MYO5A: variants seen among roughly 807,000 people sequenced by gnomAD.
MYO5A encodes unconventional myosin-Va.
MYO5A carries 98 observed loss-of-function variants against 249.7 expected under a neutral mutation model. The observed-to-expected ratio is 0.39, with a 90% CI of 0.33 to 0.46. MYO5A has a LOEUF of 0.46. MYO5A is among the 20% of genes least tolerant of loss of function. MYO5A has a pLI of 0.98. For synonymous variants in MYO5A, 778 were observed against 810.6 expected (o/e 0.96, Z 0.68); for missense variants, 1,696 against 2,308.8 (o/e 0.73, Z 5.44).
chr15:52,336,313 CA>C lies in MYO5A; in HGVS notation c.4408+149del, dbSNP rs1567030221. 94 of 619,258 alleles carry C rather than the reference CA, an allele frequency of 1.5e-4. 1 individual carries two copies. In the South Asian group the frequency reaches 1.7e-3, roughly 11 times the overall value. The allele number at this position is 619,258 out of a possible 1,614,324, so 38.4% of individuals were successfully genotyped here. On this transcript the variant is annotated intron_variant, in intron 34 of 41. Transcript: ENST00000399233. ...TCATTTAAAAATGTAAATTTCTACT[CA>C]AAAGAGGTTAGGTTTGCCAAAAGTC...
At chr15:52,457,000 C>T (rs1428225324) in intron 1 of MYO5A, among the ~76,000 whole-genome samples, 2 of 152,042 alleles carry the variant, frequency 1.3e-5, no homozygotes, top group Admixed American at 6.5e-5. Flanking sequence ...GCAAAGAAAA[C>T]GATTAACAGA....
rs534010257 is a variant in MYO5A at position 52,360,448 on chromosome 15, A to C, written c.3310-367T>G. 4.6e-5 allele frequency among the ~76,000 whole-genome samples: 7 copies of C among 152,364 alleles called. No homozygotes were observed. The South Asian group carries it at 1.0e-3, about 23-fold the overall frequency. Reference sequence around the variant, plus strand: ...GCACTGACTTTTAGTGCCATAATCAAATAAAACTTACAAAAACCTCATAAA... The same window carrying C: ...GCACTGACTTTTAGTGCCATAATCACATAAAACTTACAAAAACCTCATAAA... On this transcript the variant is annotated intron_variant, in intron 24 of 41. Coordinates refer to ENST00000399233, the MANE Select transcript of MYO5A (RefSeq NM_001382347.1).
At chr15:52,378,138 G>T (rs528847021) in intron 18 of MYO5A, among the ~76,000 whole-genome samples, 1 of 151,442 alleles carries the variant, frequency 6.6e-6, no homozygotes, top group South Asian at 2.1e-4. Flanking sequence ...ACAAAGCCCT[G>T]ATCCAGGCCT....
intron 1 of MYO5A, among the ~76,000 whole-genome samples, chr15:52,436,095 T>A (rs2075657080): frequency 6.6e-6 from 1 of 152,170 alleles, no homozygotes; most frequent in Admixed American, 6.5e-5. Flanking sequence ...TTTTTTGTTG[T>A]TGTTGTATTT....
At chr15:52,501,521 C>T (rs1006099916) in intron 1 of MYO5A, among the ~76,000 whole-genome samples, 4 of 151,968 alleles carry the variant, frequency 2.6e-5, no homozygotes, top group African/African-American at 9.7e-5. Context: ...ATTGCTTTAG[C>T]CCAGGAGTTC....
intron 1 of MYO5A, among the ~76,000 whole-genome samples, chr15:52,497,123 G>A (rs181538914): frequency 4.6e-5 from 7 of 152,178 alleles, no homozygotes; most frequent in Admixed American, 6.5e-5. Context: ...CACCATGCCC[G>A]GCTAATTTTT....
At chr15:52,324,872 A>G (rs1235316851) in intron 36 of MYO5A, among the ~76,000 whole-genome samples, 1 of 152,220 alleles carries the variant, frequency 6.6e-6, no homozygotes, top group Non-Finnish European at 1.5e-5. Flanking sequence ...AAGTCTTTTC[A>G]GCTGAGACAG....
At chr15:52,408,643 T>C (rs1168519540) in intron 6 of MYO5A, among the ~76,000 whole-genome samples, 13 of 152,222 alleles carry the variant, frequency 8.5e-5, no homozygotes, top group Admixed American at 6.5e-4. Flanking sequence ...AATCAATAAC[T>C]GTTTTATAAA....
At chr15:52,404,017 G>A (rs2042879619) in intron 9 of MYO5A, among the ~76,000 whole-genome samples, 1 of 152,110 alleles carries the variant, frequency 6.6e-6, no homozygotes, top group Admixed American at 6.5e-5. Flanking sequence ...TATAATCCCA[G>A]CACTTTGGGA....
At chr15:52,396,246 T>C (rs2042480072) in intron 11 of MYO5A, 70 bp downstream of exon 11, 1 of 977,520 alleles carries the variant, frequency 1.0e-6, no homozygotes, top group East Asian at 2.6e-5. Context: ...GGGATAAGCT[T>C]TTAAACAAAG....
At chr15:52,376,267 A>T in intron 19 of MYO5A, 80 bp downstream of exon 19, 1 of 1,325,754 alleles carries the variant, frequency 7.5e-7, no homozygotes, top group Non-Finnish European at 1.1e-6. Flanking sequence ...TTATCTTTTC[A>T]GCTATGGTGA....
intron 1 of MYO5A, among the ~76,000 whole-genome samples, chr15:52,455,418 C>T (rs2600902): frequency 6.6e-6 from 1 of 151,848 alleles, no homozygotes; most frequent in East Asian, 1.9e-4. Context: ...TCAAACTCTT[C>T]AAAAAAATTG....
intron 5 of MYO5A, among the ~76,000 whole-genome samples, chr15:52,410,942 T>C (rs2043221054): frequency 6.6e-6 from 1 of 152,234 alleles, no homozygotes; most frequent in South Asian, 2.1e-4. Context: ...CTTTGCTCAC[T>C]GCACAGTCAC....
At chr15:52,335,047 T>C (rs1438078053) in intron 34 of MYO5A, among the ~76,000 whole-genome samples, 1 of 152,210 alleles carries the variant, frequency 6.6e-6, no homozygotes, top group African/African-American at 2.4e-5. Context: ...TTGGAGTTAA[T>C]CATGATAGAT....
chr15:52,384,032 G>T, intron 15 of MYO5A, 129 bp downstream of exon 15: 3 of 1,082,212 alleles, frequency 2.8e-6, no homozygotes, highest in Non-Finnish European at 4.1e-6. Flanking sequence ...GGTGTCGTAT[G>T]ATCTCACAGT....
chr15:52,331,921 T>C (rs555100168), intron 34 of MYO5A: 4 of 938,526 alleles, frequency 4.3e-6, no homozygotes, highest in Non-Finnish European at 5.1e-6. Context: ...TGATCCAGTA[T>C]GAAAGCCACG....
chr15:52,357,798 C>T (rs1413962121), intron 25 of MYO5A, among the ~76,000 whole-genome samples: 1 of 152,150 alleles, frequency 6.6e-6, no homozygotes, highest in Non-Finnish European at 1.5e-5. Flanking sequence ...GGTTTTGTTT[C>T]GCTTTTTGCC....
intron 1 of MYO5A, among the ~76,000 whole-genome samples, chr15:52,468,388 T>C (rs1341325185): frequency 1.3e-5 from 2 of 152,198 alleles, no homozygotes; most frequent in Non-Finnish European, 2.9e-5. Context: ...CCAGGTACAA[T>C]GGCTAATATC....
chr15:52,420,036 T>A (rs2043713710), intron 4 of MYO5A, among the ~76,000 whole-genome samples: 1 of 152,162 alleles, frequency 6.6e-6, no homozygotes, highest in Non-Finnish European at 1.5e-5. Flanking sequence ...CCAGGCATGG[T>A]GGCTCACGCC....
Sources: allele counts gnomAD v4.1 joint callset (sites outside exome capture counted in the v4.1 genomes callset), GRCh38; gene constraint gnomAD v4.1.1; transcripts MANE v1.5; gene names NCBI Gene and HGNC (gene_info 2026-07-23, HGNC 2026-07-21).